Variants in CLASP1 observed in about 807,000 individuals in gnomAD.
The protein encoded by CLASP1 is CLIP-associating protein 1.
Under a neutral mutation model 192.3 loss-of-function variants are expected in CLASP1, and 38 were observed. The observed-to-expected ratio is 0.20, with a 90% CI of 0.15 to 0.26. The LOEUF is 0.26. Ranked by LOEUF, CLASP1 falls within the 10% of genes least tolerant of loss-of-function variation. The pLI is 1.00. For missense variants in CLASP1, 1,433 were observed against 1,932.5 expected, an observed-to-expected ratio of 0.74 and a Z score of 4.85; for synonymous variants, 691 against 712.8, an observed-to-expected ratio of 0.97 and a Z score of 0.49.
intron 2 of CLASP1, among the ~76,000 whole-genome samples, chr2:121,594,538 A>G (rs75109934): frequency 0.23 from 34,423 of 149,822 alleles, 5,869 homozygotes; most frequent in African/African-American, 0.48. Flanking sequence ...GACTACAGGC[A>G]CCCGATACCA....
intron 2 of CLASP1, among the ~76,000 whole-genome samples, chr2:121,552,733 C>T (rs889979118): frequency 6.6e-6 from 1 of 152,200 alleles, no homozygotes; most frequent in Non-Finnish European, 1.5e-5. Context: ...ACTTAACACA[C>T]TGTTGGTGGG....
chr2:121,485,911 T>C (rs1409468496), intron 8 of CLASP1, among the ~76,000 whole-genome samples: 1 of 152,138 alleles, frequency 6.6e-6, no homozygotes, highest in African/African-American at 2.4e-5. Context: ...AAGCTGATCA[T>C]AAGCCAGCAT....
At chr2:121,417,836 A>G (rs948103864) in intron 23 of CLASP1, among the ~76,000 whole-genome samples, 1 of 151,540 alleles carries the variant, frequency 6.6e-6, no homozygotes, top group Non-Finnish European at 1.5e-5. Context: ...AGTGGCATGT[A>G]TAGTTTTCAA....
chr2:121,542,385 C>T (rs1373847513), intron 2 of CLASP1, among the ~76,000 whole-genome samples: 7 of 152,216 alleles, frequency 4.6e-5, no homozygotes, highest in African/African-American at 1.7e-4. Flanking sequence ...GATTTCTACA[C>T]ATTTTTTAGT....
intron 1 of CLASP1, among the ~76,000 whole-genome samples, chr2:121,620,930 G>C (rs543337125): frequency 1.3e-5 from 2 of 151,908 alleles, no homozygotes; most frequent in East Asian, 3.9e-4. Flanking sequence ...CTATGTTTTA[G>C]GTGTCATACT....
intron 8 of CLASP1, 68 bp from the exon 9 acceptor site, chr2:121,470,028 T>C: frequency 1.7e-6 from 2 of 1,208,148 alleles, no homozygotes; most frequent in Non-Finnish European, 2.3e-6. Context: ...TATATATACT[T>C]TTTCACCTGA....
intron 34 of CLASP1, among the ~76,000 whole-genome samples, chr2:121,372,502 T>C (rs2068955872): frequency 6.6e-6 from 1 of 152,236 alleles, no homozygotes; most frequent in African/African-American, 2.4e-5. Flanking sequence ...GATGGATATA[T>C]TTGCTTGGAT....
rs565539081 is a variant in CLASP1, at chr2:121,520,122, G to T, written c.547-4360C>A. ...TCCTCATAGTCACTGCACACTGGAG[G>T]GTGTAGAGGCTGGCAAGGTTAGTCA... On this transcript the variant is annotated intron_variant, in intron 6 of 39. Coordinates refer to ENST00000263710, the Ensembl canonical transcript of CLASP1. Among the ~76,000 whole-genome samples the T allele has an allele frequency of 7.9e-5, 12 of 152,260 alleles. No individual in the cohort carries two copies. The South Asian group carries it at 2.5e-3, about 32-fold the overall frequency.
At chr2:121,570,536 C>T (rs1328688007) in intron 2 of CLASP1, among the ~76,000 whole-genome samples, 1 of 152,214 alleles carries the variant, frequency 6.6e-6, no homozygotes, top group Non-Finnish European at 1.5e-5. Flanking sequence ...ATCCATGAGG[C>T]TTTCAGCCTA....
chr2:121,479,001 C>T (rs1575288565), intron 8 of CLASP1, among the ~76,000 whole-genome samples: 1 of 100,550 alleles, frequency 9.9e-6, no homozygotes, highest in Non-Finnish European at 2.0e-5. Context: ...CCCACACACA[C>T]ACCACACACA....
intron 2 of CLASP1, among the ~76,000 whole-genome samples, chr2:121,534,111 C>A (rs1206933184): frequency 6.6e-6 from 1 of 152,210 alleles, no homozygotes; most frequent in Non-Finnish European, 1.5e-5. Context: ...CCAAAATTTA[C>A]AGATATAAGC....
intron 8 of CLASP1, among the ~76,000 whole-genome samples, chr2:121,495,056 CT>C (rs2093471275): frequency 1.3e-5 from 2 of 151,352 alleles, no homozygotes; most frequent in Non-Finnish European, 2.9e-5. Context: ...GGCACGGAGG[CT>C]CACGTCTGTA....
intron 4 of CLASP1, 88 bp from the exon 5 acceptor site, chr2:121,527,978 C>G (rs138082557): frequency 1.0e-6 from 1 of 1,004,962 alleles, no homozygotes; most frequent in African/African-American, 1.6e-5. Context: ...AGCCTCTTAA[C>G]GAGCGCCAAA....
At chr2:121,565,789 A>G (rs1026532795) in intron 2 of CLASP1, among the ~76,000 whole-genome samples, 1 of 152,258 alleles carries the variant, frequency 6.6e-6, no homozygotes, top group Non-Finnish European at 1.5e-5. Flanking sequence ...AGATGCTGAC[A>G]GCAATACTGA....
intron 33 of CLASP1, among the ~76,000 whole-genome samples, chr2:121,378,097 G>T (rs2070703639): frequency 6.6e-6 from 1 of 152,186 alleles, no homozygotes; most frequent in Non-Finnish European, 1.5e-5. Context: ...CAAAGTAAAT[G>T]ACCTCACAAG....
intron 30 of CLASP1, among the ~76,000 whole-genome samples, chr2:121,394,811 C>T (rs899959615): frequency 3.3e-5 from 5 of 152,064 alleles, no homozygotes; most frequent in African/African-American, 9.7e-5. Context: ...ACCCGGGAGG[C>T]GGAGGTTGCA....
chr2:121,622,178 G>T (rs2067477582), intron 1 of CLASP1, among the ~76,000 whole-genome samples: 2 of 151,960 alleles, frequency 1.3e-5, no homozygotes, highest in Non-Finnish European at 1.5e-5. Context: ...AAATCTATAT[G>T]GGGAATATTA....
chr2:121,455,943 T>C (rs2086556277), intron 14 of CLASP1, among the ~76,000 whole-genome samples: 1 of 151,994 alleles, frequency 6.6e-6, no homozygotes, highest in South Asian at 2.1e-4. Flanking sequence ...ACTGGGGAGA[T>C]GTAAAGCATG....
At chr2:121,559,894 T>TATC (rs1000495314) in intron 2 of CLASP1, among the ~76,000 whole-genome samples, 1 of 151,702 alleles carries the variant, frequency 6.6e-6, no homozygotes, top group Non-Finnish European at 1.5e-5. Context: ...TCATCATCAT[T>TATC]ATCATCATCA....
Sources: allele counts gnomAD v4.1 joint callset (sites outside exome capture counted in the v4.1 genomes callset), GRCh38; gene constraint gnomAD v4.1.1; transcripts MANE v1.5; gene names NCBI Gene and HGNC (gene_info 2026-07-23, HGNC 2026-07-21).